DHRSX: variants seen among roughly 807,000 people sequenced by gnomAD.
DHRSX encodes the protein dehydrogenase/reductase X-linked, also known as polyprenol dehydrogenase.
A neutral mutation model predicts 34.0 loss-of-function variants in DHRSX; 31 were observed. That is an observed-to-expected ratio of 0.91 (90% CI 0.69 to 1.23). The LOEUF is 1.23. Among genes scored for constraint, DHRSX ranks in the 50% most tolerant of loss-of-function variants. The probability of loss-of-function intolerance (pLI) is 0.00; values close to 1 mark genes in which losing one functional copy is unlikely to be tolerated. For missense variants in DHRSX, 414 were observed against 428.1 expected, an observed-to-expected ratio of 0.97 and a Z score of 0.29; for synonymous variants, 201 against 183.8, an observed-to-expected ratio of 1.09 and a Z score of -0.76.
chrX:2,303,868 G>GAT (rs2042051651), intron 3 of DHRSX, among the ~76,000 whole-genome samples: 1 of 144,032 alleles, frequency 6.9e-6, no homozygotes, highest in Admixed American at 6.9e-5. Flanking sequence ...TGGGTGGATG[G>GAT]GTGGATGGGT....
intron 1 of DHRSX, among the ~76,000 whole-genome samples, chrX:2,469,656 G>T (rs1024400569): frequency 6.6e-6 from 1 of 151,438 alleles, no homozygotes; most frequent in Non-Finnish European, 1.5e-5. Context: ...GACTGCCACC[G>T]TGTACACACG....
chrX:2,289,332 G>A (rs1261855701), intron 4 of DHRSX, among the ~76,000 whole-genome samples: 1 of 152,030 alleles, frequency 6.6e-6, no homozygotes, highest in Non-Finnish European at 1.5e-5. Flanking sequence ...TGGTCAGGCT[G>A]GTCTGGAACC....
intron 4 of DHRSX, 102 bp downstream of exon 4, chrX:2,291,400 T>C: frequency 2.3e-6 from 2 of 876,174 alleles, no homozygotes; most frequent in Non-Finnish European, 3.8e-6. Context: ...ATAATTCCCA[T>C]GGATATCCTG....
intron 6 of DHRSX, among the ~76,000 whole-genome samples, chrX:2,231,898 TTTCTC>T (rs1303065785): frequency 4.0e-5 from 6 of 149,524 alleles, no homozygotes; most frequent in African/African-American, 9.8e-5. Context: ...CCTCCTCCTC[TTTCTC>T]TTATCTTCTT....
At position 2,416,477 on chromosome X, in the gene DHRSX, C is replaced by T. The variant is rs1238295519; in HGVS notation, c.218-7664G>A. Reference sequence around the variant, plus strand: ...CAGAGTCACCAATCTGCGGCTAAACCTGGCCTGCAGCTGGATATTGTACAA... The same window carrying T: ...CAGAGTCACCAATCTGCGGCTAAACTTGGCCTGCAGCTGGATATTGTACAA... On this transcript the variant is annotated intron_variant, in intron 2 of 6. Transcript: ENST00000334651. 3.9e-5 allele frequency among the ~76,000 whole-genome samples: 6 copies of T among 152,242 alleles called. No homozygotes were observed. In the East Asian group the frequency reaches 1.2e-3, roughly 29 times the overall value.
At chrX:2,381,636 T>C (rs932206194) in intron 3 of DHRSX, among the ~76,000 whole-genome samples, 38 of 150,650 alleles carry the variant, frequency 2.5e-4, no homozygotes, top group South Asian at 4.2e-4. Flanking sequence ...AAAATAAAAA[T>C]GAAAAAAATA....
intron 2 of DHRSX, among the ~76,000 whole-genome samples, chrX:2,416,451 C>T (rs1026415626): frequency 3.3e-5 from 5 of 152,110 alleles, no homozygotes; most frequent in African/African-American, 9.7e-5. Context: ...TGAGCCCAAA[C>T]CAGAGTCACC....
chrX:2,482,143 T>A (rs1357377235), intron 1 of DHRSX, among the ~76,000 whole-genome samples: 1 of 150,614 alleles, frequency 6.6e-6, no homozygotes, highest in African/African-American at 2.5e-5. Context: ...TTTTTTTTTT[T>A]TAGAGACAGC....
At chrX:2,315,895 T>G (rs2042236494) in intron 3 of DHRSX, among the ~76,000 whole-genome samples, 2 of 152,134 alleles carry the variant, frequency 1.3e-5, no homozygotes, top group South Asian at 4.1e-4. Flanking sequence ...AGAGTCTCAC[T>G]CTGTTGCCTA....
chrX:2,243,801 T>G (rs1380566422), intron 5 of DHRSX, among the ~76,000 whole-genome samples: 14 of 84,482 alleles, frequency 1.7e-4, no homozygotes, highest in African/African-American at 5.4e-4. Context: ...TTTTTTTTTT[T>G]TTTTTTTTTT....
chrX:2,231,466 TC>T (rs200686302), intron 6 of DHRSX, among the ~76,000 whole-genome samples: 69 of 149,266 alleles, frequency 4.6e-4, no homozygotes, highest in South Asian at 3.5e-3. Flanking sequence ...TTTCTCTTCC[TC>T]CCCCATCTTA....
At chrX:2,423,244 C>T (rs1171431204) in intron 2 of DHRSX, among the ~76,000 whole-genome samples, 2 of 151,978 alleles carry the variant, frequency 1.3e-5, no homozygotes, top group East Asian at 3.9e-4. Context: ...AAAACCCCAT[C>T]TCTACTAAAA....
intron 3 of DHRSX, among the ~76,000 whole-genome samples, chrX:2,294,821 A>T (rs2041913177): frequency 6.8e-6 from 1 of 146,784 alleles, no homozygotes; most frequent in Non-Finnish European, 1.6e-5. Flanking sequence ...AAAGAGAGGG[A>T]GAGAGAGAGG....
intron 1 of DHRSX, among the ~76,000 whole-genome samples, chrX:2,449,189 CAA>C (rs57586340): frequency 0.59 from 84,004 of 143,576 alleles, 25,930 homozygotes; most frequent in African/African-American, 0.82. Context: ...AACTCTGTCT[CAA>C]AAAAAAAAAA....
chrX:2,380,154 G>A (rs1387622070), intron 3 of DHRSX, among the ~76,000 whole-genome samples: 1 of 151,968 alleles, frequency 6.6e-6, no homozygotes, highest in East Asian at 1.9e-4. Context: ...GCTTAGCTGT[G>A]CATGGTGGCA....
chrX:2,266,747 G>C lies in DHRSX; in HGVS notation c.589C>G (p.Gln197Glu). The stretch of plus-strand genomic sequence containing the variant: ...TTCACAGGGTGCACCTACCTGCTCT[G>C]AAGGTCATCCATGTTCAGCTCAGCG... ...YVAELNMDDL[Q>E]SSACYSPHAA... The change falls in exon 5 of 7, where the codon CAG becomes GAG. Residue 197 changes from glutamine to glutamate, a missense_variant. Coordinates refer to ENST00000334651, the MANE Select transcript of DHRSX (RefSeq NM_145177.3). 6.2e-7 allele frequency: 1 copy of C among 1,613,958 alleles called. No homozygotes were observed. The highest frequency in any genetic ancestry group is 8.5e-7 in the Non-Finnish European group (1 of 1,179,838).
At chrX:2,321,578 A>AC (rs2042311718) in intron 3 of DHRSX, among the ~76,000 whole-genome samples, 1 of 150,264 alleles carries the variant, frequency 6.7e-6, no homozygotes, top group Non-Finnish European at 1.5e-5. Flanking sequence ...CTCGTGCTCC[A>AC]CCCCCCTCTC....
rs141859900 is a variant in DHRSX, at chrX:2,470,508, G to C, written c.109+30309C>G. On this transcript the variant is annotated intron_variant, in intron 1 of 6. Transcript: ENST00000334651. Reference sequence around the variant, plus strand: ...GGATCGCTTTAGCCCAGGAATTCAAGACCAGCCTGAGCAACATAGCAAGAC... The same window carrying C: ...GGATCGCTTTAGCCCAGGAATTCAACACCAGCCTGAGCAACATAGCAAGAC... Among the ~76,000 whole-genome samples the C allele has an allele frequency of 3.0e-3, 456 of 152,224 alleles. 6 individuals carry two copies. Among genetic ancestry groups the C allele is most frequent in the African/African-American group, 9.7e-3 (402 of 41,530 alleles).
At chrX:2,306,931 T>G (rs1329170021) in intron 3 of DHRSX, among the ~76,000 whole-genome samples, 1 of 150,980 alleles carries the variant, frequency 6.6e-6, no homozygotes, top group Non-Finnish European at 1.5e-5. Flanking sequence ...TGGGGCTTTT[T>G]TTTTTTTTTT....
Sources: gnomAD v4.1 joint callset for allele counts (sites outside exome capture counted in the v4.1 genomes callset) on GRCh38, gnomAD v4.1.1 for gene constraint, MANE v1.5 for transcripts, NCBI Gene and HGNC (gene_info 2026-07-23, HGNC 2026-07-21) for gene names.